The following SYCP1 variants were observed in gnomAD, a reference collection of about 807,000 sequenced individuals.
The protein encoded by SYCP1 is cancer/testis antigen 8.
Under a neutral mutation model 153.1 loss-of-function variants are expected in SYCP1, and 64 were observed. The ratio of observed to expected loss-of-function variants is 0.42; its 90% CI spans 0.34 to 0.51. The LOEUF is 0.51. Among genes scored for constraint, SYCP1 ranks in the 20% least tolerant of loss-of-function variants. The probability of loss-of-function intolerance (pLI) is 0.06; values close to 1 mark genes in which losing one functional copy is unlikely to be tolerated. For synonymous variants in SYCP1, 384 were observed against 341.8 expected (o/e 1.12, Z -1.36); for missense variants, 997 against 1,049.0 (o/e 0.95, Z 0.68).
intron 20 of SYCP1, among the ~76,000 whole-genome samples, chr1:114,921,609 G>T (rs1370654908): frequency 6.6e-6 from 1 of 150,850 alleles, no homozygotes; most frequent in African/African-American, 2.4e-5. Context: ...AATCTGGGAG[G>T]TGGAGGTTGC....
chr1:114,901,725 C>T (rs1367690407), intron 16 of SYCP1, among the ~76,000 whole-genome samples: 1 of 152,134 alleles, frequency 6.6e-6, no homozygotes, highest in African/African-American at 2.4e-5. Context: ...CAGCTTAAGA[C>T]GAACCTCACA....
chr1:114,873,897 A>G (rs181238022), intron 8 of SYCP1, among the ~76,000 whole-genome samples: 1 of 151,902 alleles, frequency 6.6e-6, no homozygotes, highest in Non-Finnish European at 1.5e-5. Context: ...ATGCTTGGAG[A>G]ATTTTTGTAT....
chr1:114,936,892 AAG>A (rs1181859362), intron 23 of SYCP1, among the ~76,000 whole-genome samples: 1 of 152,198 alleles, frequency 6.6e-6, no homozygotes, highest in Non-Finnish European at 1.5e-5. Flanking sequence ...AACAAAATAA[AAG>A]AGGACACAGC....
intron 8 of SYCP1, among the ~76,000 whole-genome samples, chr1:114,861,786 A>AGGT (rs1664390700): frequency 6.7e-6 from 1 of 149,218 alleles, no homozygotes; most frequent in Non-Finnish European, 1.5e-5. Context: ...ATTGACTGTT[A>AGGT]GGTTTTTTTA....
intron 30 of SYCP1, among the ~76,000 whole-genome samples, chr1:114,994,446 T>C (rs560655424): frequency 6.6e-6 from 1 of 151,538 alleles, no homozygotes; most frequent in African/African-American, 2.4e-5. Flanking sequence ...CTTTCAGTAA[T>C]ACAGTTAATA....
intron 14 of SYCP1, 45 bp from the exon 15 acceptor site, chr1:114,887,581 C>A (rs1262533950): frequency 7.5e-7 from 1 of 1,329,556 alleles, no homozygotes; most frequent in African/African-American, 1.5e-5. Context: ...GAGATGAATT[C>A]TGACTAAAAT....
intron 27 of SYCP1, among the ~76,000 whole-genome samples, chr1:114,960,565 C>T (rs1671726508): frequency 6.6e-6 from 1 of 152,182 alleles, no homozygotes; most frequent in Non-Finnish European, 1.5e-5. Flanking sequence ...TCCTCGTCAG[C>T]ATTTGTTATT....
At chr1:114,928,938 G>A (rs557163467) in intron 23 of SYCP1, among the ~76,000 whole-genome samples, 2 of 152,218 alleles carry the variant, frequency 1.3e-5, no homozygotes, top group South Asian at 4.1e-4. Context: ...TGGAGACTGG[G>A]AATTAAAAAA....
At chr1:114,936,260 A>G (rs1178847386) in intron 23 of SYCP1, among the ~76,000 whole-genome samples, 2 of 152,232 alleles carry the variant, frequency 1.3e-5, no homozygotes, top group East Asian at 1.9e-4. Context: ...ACGCAAATCA[A>G]TAAACGTAAT....
intron 16 of SYCP1, among the ~76,000 whole-genome samples, chr1:114,896,269 G>A (rs115419159): frequency 9.9e-5 from 15 of 152,220 alleles, no homozygotes; most frequent in African/African-American, 3.6e-4. Context: ...GTCCCTTGGG[G>A]AGCATTATTT....
At chr1:114,934,210 C>A (rs1287991224) in intron 23 of SYCP1, among the ~76,000 whole-genome samples, 1 of 152,182 alleles carries the variant, frequency 6.6e-6, no homozygotes, top group Non-Finnish European at 1.5e-5. Context: ...AACAGCGGAT[C>A]TCTGGAGAAA....
In SYCP1 at chr1:114,995,161, T is replaced by A; in HGVS notation, c.*142T>A. 1.2e-6 allele frequency: 1 copy of A among 819,746 alleles called. No individual in the cohort carries two copies. The highest frequency in any genetic ancestry group is 1.8e-6 in the Non-Finnish European group (1 of 568,056). The allele number at this position is 819,746 out of a possible 1,614,324, so 50.8% of individuals were successfully genotyped here. ...ATGAATGATTTGTGTTTCTTTATAT[T>A]TTTAGCCTAAATGTTAACTACATAT... On this transcript the variant is annotated 3_prime_UTR_variant, in exon 32 of 32. Transcript: ENST00000369522.
At position 114,986,211 on chromosome 1, in the gene SYCP1, TA is replaced by T. The variant is rs548062679; in HGVS notation, c.2703+1344del. On this transcript the variant is annotated intron_variant, in intron 30 of 31. Coordinates refer to ENST00000369522, the MANE Select transcript of SYCP1 (RefSeq NM_003176.4). The stretch of plus-strand genomic sequence containing the variant: ...ATGAGGAAACTGAGTCACACAAGTA[TA>T]TTTTTCAAGATCACATAGTTAGTAA... Among the ~76,000 whole-genome samples the T allele has an allele frequency of 5.3e-5, 8 of 152,150 alleles. No homozygotes were observed. In the South Asian group the frequency reaches 1.0e-3, roughly 20 times the overall value.
intron 21 of SYCP1, among the ~76,000 whole-genome samples, chr1:114,925,085 G>A (rs1669170921): frequency 6.6e-6 from 1 of 152,078 alleles, no homozygotes; most frequent in Non-Finnish European, 1.5e-5. Context: ...AAGGTTACAT[G>A]ACTAAGAGGT....
At chr1:114,912,315 C>T (rs1460104708) in intron 18 of SYCP1, among the ~76,000 whole-genome samples, 3 of 151,836 alleles carry the variant, frequency 2.0e-5, no homozygotes, top group African/African-American at 7.2e-5. Flanking sequence ...AGTATATTTG[C>T]TTTTCAACTT....
chr1:114,994,967 C>A lies in SYCP1; in HGVS notation c.2879C>A (p.Ala960Asp). The A allele has an allele frequency of 1.2e-6, 2 of 1,605,700 alleles. No individual in the cohort carries two copies. ...KMREDRWAVI[A>D]KMDRKKKLKE... ...CGGGAGGACCGTTGGGCTGTAATTGCTAAAATGGATAGAAAAAAAAAACTA... is the reference window on the plus strand; with the variant it reads ...CGGGAGGACCGTTGGGCTGTAATTGATAAAATGGATAGAAAAAAAAAACTA... Residue 960 changes from alanine to aspartate, a missense_variant, in exon 32 of 32, where the codon GCT becomes GAT. This residue lies in a region of SYCP1 where 712 missense variants were observed against 682.9 expected (regional missense o/e 1.04). Coordinates refer to ENST00000369522, the MANE Select transcript of SYCP1 (RefSeq NM_003176.4).
chr1:114,962,382 G>A lies in SYCP1; in HGVS notation c.2322+15062G>A, dbSNP rs563141178. Among the ~76,000 whole-genome samples the A allele has an allele frequency of 2.0e-5, 3 of 152,224 alleles. No homozygotes were observed. The South Asian group carries it at 6.2e-4, about 32-fold the overall frequency. ...ATTTTTAGGTCTGTGATATTTTCCT[G>A]TTAAACAAGTCCTTTTATCATTATG... On this transcript the variant is annotated intron_variant, in intron 27 of 31. Coordinates refer to ENST00000369522, the MANE Select transcript of SYCP1 (RefSeq NM_003176.4).
intron 17 of SYCP1, among the ~76,000 whole-genome samples, chr1:114,910,723 T>C (rs1316211876): frequency 1.3e-5 from 2 of 152,162 alleles, no homozygotes; most frequent in African/African-American, 4.8e-5. Context: ...ATATGATGCA[T>C]TATGCTATGG....
intron 20 of SYCP1, among the ~76,000 whole-genome samples, chr1:114,916,984 A>T (rs1668546167): frequency 6.6e-6 from 1 of 152,096 alleles, no homozygotes; most frequent in Admixed American, 6.6e-5. Flanking sequence ...TTAAGCATTT[A>T]TCCTTTGTGT....
Sources: gnomAD v4.1 joint callset for allele counts (sites outside exome capture counted in the v4.1 genomes callset) on GRCh38, gnomAD v4.1.1 for gene constraint, gnomAD v4.1.1 regional missense constraint, MANE v1.5 for transcripts, NCBI Gene and HGNC (gene_info 2026-07-23, HGNC 2026-07-21) for gene names.